Variants in PLXDC1 observed in about 807,000 individuals in gnomAD.
PLXDC1 encodes plexin domain-containing protein 1.
In PLXDC1, 39 loss-of-function variants were observed where a neutral mutation model predicts 61.3. The ratio of observed to expected loss-of-function variants is 0.64; its 90% CI spans 0.49 to 0.83. The LOEUF is 0.83. Ranked by LOEUF, PLXDC1 falls within the 40% of genes least tolerant of loss-of-function variation. The pLI is 0.00. For synonymous variants in PLXDC1, 212 were observed against 254.5 expected (o/e 0.83, Z 1.59); for missense variants, 596 against 666.5 (o/e 0.89, Z 1.17).
chr17:39,146,526 T>A (rs1020512639), intron 1 of PLXDC1, among the ~76,000 whole-genome samples: 6 of 151,964 alleles, frequency 3.9e-5, no homozygotes, highest in Non-Finnish European at 2.9e-5. Flanking sequence ...AAATTTTTTT[T>A]AAAGTCTGGA....
chr17:39,134,785 C>T (rs1286775911), intron 2 of PLXDC1, among the ~76,000 whole-genome samples: 1 of 152,148 alleles, frequency 6.6e-6, no homozygotes, highest in Admixed American at 6.5e-5. Context: ...CAGCTGCCCT[C>T]CCCTGGACTC....
intron 9 of PLXDC1, chr17:39,079,390 C>T (rs1909467052): frequency 5.1e-6 from 3 of 591,206 alleles, no homozygotes; most frequent in South Asian, 4.6e-5. Context: ...CCACATCTGC[C>T]CATGTGAGTA....
At chr17:39,092,543 T>C (rs4328474) in intron 7 of PLXDC1, among the ~76,000 whole-genome samples, 92,895 of 152,018 alleles carry the variant, frequency 0.61, 28,464 homozygotes, top group Admixed American at 0.66. Context: ...CAGAGCACTC[T>C]GTTAGCTCGC....
At chr17:39,098,512 T>TG (rs1285097003) in intron 7 of PLXDC1, among the ~76,000 whole-genome samples, 3 of 152,212 alleles carry the variant, frequency 2.0e-5, no homozygotes, top group East Asian at 1.9e-4. Context: ...GGCTCACTGC[T>TG]GGGGGCCATA....
At chr17:39,132,332 C>A (rs1911592974) in intron 2 of PLXDC1, among the ~76,000 whole-genome samples, 1 of 152,032 alleles carries the variant, frequency 6.6e-6, no homozygotes, top group Admixed American at 6.6e-5. Flanking sequence ...CTCAGCACAT[C>A]CCAGGATCTC....
At position 39,069,839 on chromosome 17, in the gene PLXDC1, C is replaced by T; in HGVS notation, c.1383+17G>A. 4.4e-6 allele frequency: 7 copies of T among 1,608,240 alleles called. No individual in the cohort carries two copies. The highest frequency in any genetic ancestry group is 6.0e-6 in the Non-Finnish European group (7 of 1,175,452). On this transcript the variant is annotated intron_variant, in intron 13 of 13. Transcript: ENST00000315392. ...GCAGAAGCAGACAGGAGCCCTGTGG[C>T]CACAGATGACACGGACCTCGATGAA...
intron 8 of PLXDC1, among the ~76,000 whole-genome samples, chr17:39,085,176 G>A (rs1381154692): frequency 6.6e-6 from 1 of 152,246 alleles, no homozygotes; most frequent in African/African-American, 2.4e-5. Flanking sequence ...GATGGCAGCT[G>A]GGAACCAGCC....
At chr17:39,117,484 A>C (rs1209553234) in intron 2 of PLXDC1, among the ~76,000 whole-genome samples, 3 of 152,148 alleles carry the variant, frequency 2.0e-5, no homozygotes, top group Admixed American at 1.3e-4. Context: ...GACAAGAAGC[A>C]CTTTGGGAGG....
intron 5 of PLXDC1, 24 bp from the exon 6 acceptor site, chr17:39,107,549 G>A (rs999183520): frequency 1.3e-6 from 2 of 1,524,938 alleles, no homozygotes; most frequent in Admixed American, 3.3e-5. Context: ...CAGAGACCCG[G>A]CTGGACGGGA....
At chr17:39,068,623 G>A (rs1332678062) in intron 13 of PLXDC1, among the ~76,000 whole-genome samples, 1 of 152,232 alleles carries the variant, frequency 6.6e-6, no homozygotes, top group African/African-American at 2.4e-5. Context: ...GCTGCAGTAA[G>A]CCAAGATTGT....
intron 11 of PLXDC1, among the ~76,000 whole-genome samples, chr17:39,074,210 T>G (rs1247144807): frequency 1.3e-5 from 2 of 152,084 alleles, no homozygotes; most frequent in Non-Finnish European, 2.9e-5. Flanking sequence ...AAGTCATCAT[T>G]AAAAATGTTT....
intron 4 of PLXDC1, 75 bp downstream of exon 4, chr17:39,108,829 G>A: frequency 1.0e-6 from 1 of 956,562 alleles, no homozygotes; most frequent in African/African-American, 1.6e-5. Context: ...TCTCCAGTGA[G>A]CCACCCCTGG....
chr17:39,065,148 G>A lies in PLXDC1; in HGVS notation c.*2692C>T, dbSNP rs541894114. 6.6e-6 allele frequency: 1 copy of A among 152,268 alleles called. No individual in the cohort carries two copies. The highest frequency in any genetic ancestry group is 1.9e-4 in the East Asian group (1 of 5,178). The allele number at this position is 152,268 out of a possible 1,614,324, so 9.4% of individuals were successfully genotyped here. ...AGGCAGAGAAAGTTCCAGATGCCTC[G>A]GCCTCAGTCAAAGCAAGCCTGGCTG... On this transcript the variant is annotated 3_prime_UTR_variant, in exon 14 of 14. Coordinates refer to ENST00000315392, the MANE Select transcript of PLXDC1 (RefSeq NM_020405.5).
chr17:39,128,096 T>TATATATATATATATAC (rs1567769499), intron 2 of PLXDC1, among the ~76,000 whole-genome samples: 6 of 89,802 alleles, frequency 6.7e-5, no homozygotes, highest in East Asian at 3.8e-4. Context: ...TCTCTCTATG[T>TATATATATATATATAC]GTATATATAT....
At chr17:39,068,983 G>T (rs1909005276) in intron 13 of PLXDC1, among the ~76,000 whole-genome samples, 1 of 152,196 alleles carries the variant, frequency 6.6e-6, no homozygotes, top group Non-Finnish European at 1.5e-5. Context: ...AGTGAAGGGG[G>T]CTGAGCCTCA....
chr17:39,104,388 T>C (rs1910524863), intron 7 of PLXDC1, among the ~76,000 whole-genome samples: 1 of 152,158 alleles, frequency 6.6e-6, no homozygotes, highest in Non-Finnish European at 1.5e-5. Context: ...TAGAAGGTAC[T>C]GGGTAAGGCC....
intron 6 of PLXDC1, among the ~76,000 whole-genome samples, chr17:39,106,482 T>G (rs1173846232): frequency 6.6e-6 from 1 of 151,602 alleles, no homozygotes; most frequent in African/African-American, 2.4e-5. Flanking sequence ...CCATGCTGCC[T>G]TCTTCTATTT....
chr17:39,108,600 C>T, intron 4 of PLXDC1: 2 of 514,982 alleles, frequency 3.9e-6, no homozygotes, highest in South Asian at 4.8e-5. Flanking sequence ...CCCAGGAGCC[C>T]AAGCTCTCAG....
Position 39,065,196 on chromosome 17 carries a change from G to A in PLXDC1, c.*2644C>T, listed in dbSNP as rs1276812602. 2 of 152,158 alleles carry A rather than the reference G, an allele frequency of 1.3e-5. No individual in the cohort carries two copies. The highest frequency in any genetic ancestry group is 2.9e-5 in the Non-Finnish European group (2 of 68,050). 9.4% of individuals were successfully genotyped at this position (152,158 alleles called of 1,614,324 possible). On this transcript the variant is annotated 3_prime_UTR_variant, in exon 14 of 14. Transcript: ENST00000315392. ...CTGACCCATAGGATGTCAGTGGCATGGGGAGTGGATGTATTTGGCGGCAGA... is the reference window on the plus strand; with the variant it reads ...CTGACCCATAGGATGTCAGTGGCATAGGGAGTGGATGTATTTGGCGGCAGA...
Sources: gnomAD v4.1 joint callset for allele counts (sites outside exome capture counted in the v4.1 genomes callset) on GRCh38, gnomAD v4.1.1 for gene constraint, MANE v1.5 for transcripts, NCBI Gene and HGNC (gene_info 2026-07-23, HGNC 2026-07-21) for gene names.